Variants in FGD4 observed in about 807,000 individuals in gnomAD.
FGD4 encodes FYVE, RhoGEF and PH domain containing 4.
Under a neutral mutation model 102.0 loss-of-function variants are expected in FGD4, and 42 were observed. The ratio of observed to expected loss-of-function variants is 0.41; its 90% CI spans 0.32 to 0.53. FGD4 has a LOEUF of 0.53. Ranked by LOEUF, FGD4 falls within the 20% of genes least tolerant of loss-of-function variation. FGD4 has a pLI of 0.21. For synonymous variants in FGD4, 380 were observed against 375.7 expected (o/e 1.01, Z -0.13); for missense variants, 902 against 1,078.2 (o/e 0.84, Z 2.29).
At chr12:32,519,819 C>T (rs1940314747) in intron 1 of FGD4, among the ~76,000 whole-genome samples, 1 of 151,952 alleles carries the variant, frequency 6.6e-6, no homozygotes, top group African/African-American at 2.4e-5. Flanking sequence ...TGGTGGTGTG[C>T]ACTTGTAGTC....
Position 32,565,939 on chromosome 12 carries a change from G to C in FGD4, c.319+1650G>C, listed in dbSNP as rs556982818. The stretch of plus-strand genomic sequence containing the variant: ...TGTTTGGCCTTTCCCTGATACCCAT[G>C]GCTAAAATTTTAACCTCACCTTTCA... On this transcript the variant is annotated intron_variant, in intron 2 of 16. Transcript: ENST00000534526. 2.6e-5 allele frequency among the ~76,000 whole-genome samples: 4 copies of C among 152,082 alleles called. No individual in the cohort carries two copies. The South Asian group carries it at 8.3e-4, about 32-fold the overall frequency.
At chr12:32,446,298 C>T (rs1301592907) in intron 1 of FGD4, among the ~76,000 whole-genome samples, 1 of 152,048 alleles carries the variant, frequency 6.6e-6, no homozygotes, top group Non-Finnish European at 1.5e-5. Flanking sequence ...ATGGCTGGTG[C>T]ACTGCTAGGG....
chr12:32,451,910 A>G (rs927792646), intron 1 of FGD4, among the ~76,000 whole-genome samples: 1 of 151,848 alleles, frequency 6.6e-6, no homozygotes, highest in Non-Finnish European at 1.5e-5. Context: ...AGATAACAAT[A>G]ACAGAGTTTC....
chr12:32,581,906 C>G (rs1234628878), intron 3 of FGD4, 54 bp from the exon 4 acceptor site: 1 of 1,598,782 alleles, frequency 6.3e-7, no homozygotes, highest in Non-Finnish European at 8.6e-7. Context: ...TGTCTTAATT[C>G]TAGAACTTTT....
At chr12:32,423,639 C>G (rs965963445) in intron 1 of FGD4, among the ~76,000 whole-genome samples, 1 of 150,508 alleles carries the variant, frequency 6.6e-6, no homozygotes, top group Non-Finnish European at 1.5e-5. Flanking sequence ...AAATAAAAGG[C>G]TGGCTACTCC....
intron 1 of FGD4, among the ~76,000 whole-genome samples, chr12:32,453,152 CGT>C (rs1555183295): frequency 6.5e-5 from 9 of 139,118 alleles, no homozygotes; most frequent in African/African-American, 7.9e-5. Context: ...ATTTATAAAA[CGT>C]GTGTGTGTAT....
intron 1 of FGD4, among the ~76,000 whole-genome samples, chr12:32,482,918 A>G (rs1943803422): frequency 6.6e-6 from 1 of 152,198 alleles, no homozygotes; most frequent in Non-Finnish European, 1.5e-5. Flanking sequence ...GTTATAGATG[A>G]TGTATAGATG....
intron 1 of FGD4, among the ~76,000 whole-genome samples, chr12:32,563,482 T>C (rs1389569598): frequency 6.8e-6 from 1 of 147,016 alleles, no homozygotes; most frequent in Non-Finnish European, 1.5e-5. Flanking sequence ...CTAGATGAGA[T>C]GGCGGCCAGG....
chr12:32,467,885 G>A (rs1943306950), intron 1 of FGD4, among the ~76,000 whole-genome samples: 3 of 152,016 alleles, frequency 2.0e-5, no homozygotes, highest in African/African-American at 7.2e-5. Flanking sequence ...GAGTTGTGGT[G>A]GGTGCCTGTA....
At chr12:32,537,405 C>A (rs1942385072) in intron 1 of FGD4, among the ~76,000 whole-genome samples, 1 of 152,164 alleles carries the variant, frequency 6.6e-6, no homozygotes, top group African/African-American at 2.4e-5. Context: ...AGCCTCCTAT[C>A]TACCCTTGAC....
At chr12:32,629,656 T>G (rs1159861625) in intron 14 of FGD4, among the ~76,000 whole-genome samples, 1 of 152,228 alleles carries the variant, frequency 6.6e-6, no homozygotes, top group Non-Finnish European at 1.5e-5. Flanking sequence ...TATAGCATTT[T>G]ATTCATCTCT....
In FGD4 at chr12:32,640,351, C is replaced by G. The variant is rs1472415385; in HGVS notation, c.2530C>G (p.His844Asp). Residue 844 changes from histidine (H) to aspartate (D), a missense_variant, in exon 17 of 17, where the codon CAC becomes GAC. Physicochemically the swap from His to Asp is moderately conservative, Grantham distance 81 (BLOSUM62 -1). Around this residue, in one of 2 missense-constraint regions of FGD4, gnomAD observed 459 missense variants for 619.0 expected, o/e 0.74. Coordinates refer to ENST00000534526, the MANE Select transcript of FGD4 (RefSeq NM_001370298.3). The part of the protein sequence containing the change: ...DEMPRSADLP[H>D]SFKLTQSKSV... The stretch of plus-strand genomic sequence containing the variant: ...AATGCCAAGGAGCGCAGACCTGCCA[C>G]ACAGTTTCAAACTGACCCAGTCTAA... The G allele has an allele frequency of 6.2e-7, 1 of 1,614,074 alleles. No homozygotes were observed. Among genetic ancestry groups the G allele is most frequent in the African/African-American group, 1.3e-5 (1 of 74,918 alleles).
Position 32,641,916 on chromosome 12 carries a change from A to G in FGD4, c.*1383A>G, listed in dbSNP as rs1951172236. 2 of 151,946 alleles carry G rather than the reference A, an allele frequency of 1.3e-5. No individual in the cohort carries two copies. Among genetic ancestry groups the G allele is most frequent in the Admixed American group, 1.3e-4 (2 of 15,242 alleles). The allele number at this position is 151,946 out of a possible 1,614,324, so 9.4% of individuals were successfully genotyped here. A position where few individuals can be genotyped will look rare whatever the true frequency, so the allele number is the denominator to read the frequency against. On this transcript the variant is annotated 3_prime_UTR_variant, in exon 17 of 17. Transcript: ENST00000534526. ...AACTTAATCCTTTTTCTCAAATTAA[A>G]CCTTTTTTTATACTGTCATACCCCA...
At chr12:32,487,080 A>G (rs1307934450) in intron 1 of FGD4, among the ~76,000 whole-genome samples, 1 of 152,224 alleles carries the variant, frequency 6.6e-6, no homozygotes, top group Non-Finnish European at 1.5e-5. Flanking sequence ...GCTCTACACT[A>G]TTCTGTTACA....
chr12:32,411,740 G>C (rs1281676134), intron 1 of FGD4, among the ~76,000 whole-genome samples: 1 of 152,072 alleles, frequency 6.6e-6, no homozygotes, highest in Non-Finnish European at 1.5e-5. Context: ...TTTGGGAGGC[G>C]AAGGTGGGCA....
chr12:32,486,182 C>T, intron 1 of FGD4: 1 of 1,515,094 alleles, frequency 6.6e-7, no homozygotes, highest in South Asian at 1.2e-5. Flanking sequence ...TGAAATATCT[C>T]AGGTTAAAAC....
At chr12:32,619,985 C>G in intron 11 of FGD4, 115 bp downstream of exon 11, 1 of 1,259,166 alleles carries the variant, frequency 7.9e-7, no homozygotes, top group Non-Finnish European at 1.1e-6. Flanking sequence ...CTCTGGAACT[C>G]TGGTTGGATG....
rs192359140 is a variant in FGD4, at chr12:32,526,741, C to T, written c.167-37396C>T. Among the ~76,000 whole-genome samples, 10 of 152,200 alleles carry T rather than the reference C, an allele frequency of 6.6e-5. 1 individual carries two copies. Among genetic ancestry groups the T allele is most frequent in the African/African-American group, 1.2e-4 (5 of 41,528 alleles). ...TGCTTTTATGAGCTGTAACACTCAC[C>T]GCGAAGATCTGCAGCTTCACTCCTG... On this transcript the variant is annotated intron_variant, in intron 1 of 16. Coordinates refer to ENST00000534526, the MANE Select transcript of FGD4 (RefSeq NM_001370298.3).
At chr12:32,516,012 C>A (rs1939843225) in intron 1 of FGD4, among the ~76,000 whole-genome samples, 1 of 152,066 alleles carries the variant, frequency 6.6e-6, no homozygotes, top group Non-Finnish European at 1.5e-5. Context: ...TAATAAATAA[C>A]AAACTGTTAA....
Sources: allele counts gnomAD v4.1 joint callset (sites outside exome capture counted in the v4.1 genomes callset), GRCh38; gene constraint gnomAD v4.1.1; regional missense constraint gnomAD v4.1.1; transcripts MANE v1.5; gene names NCBI Gene and HGNC (gene_info 2026-07-23, HGNC 2026-07-21).